Variants in MUSK observed in about 807,000 individuals in gnomAD.
MUSK encodes the protein muscle, skeletal receptor tyrosine-protein kinase.
Under a neutral mutation model 88.7 loss-of-function variants are expected in MUSK, and 55 were observed. The ratio of observed to expected loss-of-function variants is 0.62; its 90% confidence interval spans 0.50 to 0.78. MUSK has a LOEUF of 0.78. Ranked by LOEUF, MUSK falls within the 30% of genes least tolerant of loss-of-function variation. The pLI is 0.00. For missense variants in MUSK, 1,015 were observed against 1,074.3 expected, an observed-to-expected ratio of 0.94 and a Z score of 0.77; for synonymous variants, 387 against 391.9, an observed-to-expected ratio of 0.99 and a Z score of 0.15.
In MUSK at chr9:110,784,975, C is replaced by T. The variant is rs868435163; in HGVS notation, c.1545C>T (p.Leu515=). Residue 515 remains leucine, a synonymous_variant, in exon 12 of 15, where the codon CTC becomes CTT. Coordinates refer to ENST00000374448, the MANE Select transcript of MUSK (RefSeq NM_005592.4). Reference sequence around the variant, plus strand: ...TTGTGCTTCTTACCATAACTACTCTCTATTGCTGCCGAAGAAGAAAACAAT... The same window carrying T: ...TTGTGCTTCTTACCATAACTACTCTTTATTGCTGCCGAAGAAGAAAACAAT... The part of the protein sequence containing the change: ...AIFVLLTITT[L]YCCRRRKQWK... 3 of 1,613,834 alleles carry T rather than the reference C, an allele frequency of 1.9e-6. No individual in the cohort carries two copies. The highest frequency in any genetic ancestry group is 1.1e-5 in the South Asian group (1 of 91,068).
Position 110,801,831 on chromosome 9 carries a change from A to C in MUSK, c.*843A>C, listed in dbSNP as rs2078101639. Among the ~76,000 whole-genome samples, 1 of 152,002 alleles carries C rather than the reference A, an allele frequency of 6.6e-6. No homozygotes were observed. The highest frequency in any genetic ancestry group is 1.5e-5 in the Non-Finnish European group (1 of 67,996). On this transcript the variant is annotated 3_prime_UTR_variant, in exon 15 of 15. Coordinates refer to ENST00000374448, the MANE Select transcript of MUSK (RefSeq NM_005592.4). ...CTTTCCAGGACTTCTGTCCTTTTTT[A>C]GTTATTAAGCTATTTTTTTCTTTTA...
At chr9:110,671,772 T>G (rs2075959941) in intron 1 of MUSK, among the ~76,000 whole-genome samples, 1 of 152,206 alleles carries the variant, frequency 6.6e-6, no homozygotes. Context: ...TAACATTTAA[T>G]GCTTTATTAG....
At chr9:110,772,262 A>C (rs140379485) in intron 9 of MUSK, among the ~76,000 whole-genome samples, 29 of 151,828 alleles carry the variant, frequency 1.9e-4, no homozygotes, top group African/African-American at 6.0e-4. Context: ...ATCAGTTTAC[A>C]TGCCTGAGCC....
At chr9:110,765,234 TG>T (rs1404358799) in intron 8 of MUSK, among the ~76,000 whole-genome samples, 1 of 152,198 alleles carries the variant, frequency 6.6e-6, no homozygotes, top group Non-Finnish European at 1.5e-5. Flanking sequence ...TCGGAGACAC[TG>T]AGAAATATTT....
intron 5 of MUSK, among the ~76,000 whole-genome samples, chr9:110,715,472 A>T (rs1271085812): frequency 6.7e-6 from 1 of 148,930 alleles, no homozygotes; most frequent in African/African-American, 2.6e-5. Context: ...TAAGGAAAGT[A>T]TCCTACTACT....
chr9:110,743,080 CAG>C (rs2131863325), intron 6 of MUSK, among the ~76,000 whole-genome samples: 1 of 152,288 alleles, frequency 6.6e-6, no homozygotes, highest in South Asian at 2.1e-4. Context: ...CAGAATGAAA[CAG>C]AGTTTGAACT....
At chr9:110,778,186 T>C (rs182316331) in intron 11 of MUSK, among the ~76,000 whole-genome samples, 66 of 152,240 alleles carry the variant, frequency 4.3e-4, no homozygotes, top group Admixed American at 3.9e-4. Flanking sequence ...TTCTTCTTCC[T>C]TGAGCATAGG....
At chr9:110,749,291 C>A (rs925258368) in intron 7 of MUSK, among the ~76,000 whole-genome samples, 1 of 152,100 alleles carries the variant, frequency 6.6e-6, no homozygotes, top group Non-Finnish European at 1.5e-5. Context: ...ATTGCAGAAG[C>A]ATACACAAAA....
chr9:110,710,892 G>A (rs2076660186), intron 5 of MUSK, among the ~76,000 whole-genome samples: 1 of 152,168 alleles, frequency 6.6e-6, no homozygotes, highest in Non-Finnish European at 1.5e-5. Flanking sequence ...AATCCCAAGT[G>A]AGAAATCACT....
At chr9:110,726,799 C>G (rs1208773349) in intron 5 of MUSK, among the ~76,000 whole-genome samples, 1 of 151,892 alleles carries the variant, frequency 6.6e-6, no homozygotes, top group African/African-American at 2.4e-5. Flanking sequence ...GAAACAAACA[C>G]ATTGTTCTGG....
At chr9:110,669,641 A>G (rs111558914) in intron 1 of MUSK, among the ~76,000 whole-genome samples, 6,188 of 152,224 alleles carry the variant, frequency 0.041, 173 homozygotes, top group Non-Finnish European at 0.055. Flanking sequence ...AAAGGAAAGC[A>G]ACTTAAGAAA....
At chr9:110,710,152 G>T (rs896474308) in intron 5 of MUSK, among the ~76,000 whole-genome samples, 3 of 152,074 alleles carry the variant, frequency 2.0e-5, no homozygotes, top group Non-Finnish European at 2.9e-5. Context: ...TACCTATTCC[G>T]ATTCTTTCCT....
At chr9:110,723,254 C>CACAT (rs1270802599) in intron 5 of MUSK, among the ~76,000 whole-genome samples, 1 of 151,764 alleles carries the variant, frequency 6.6e-6, no homozygotes, top group Middle Eastern at 3.4e-3. Context: ...CACACACACA[C>CACAT]ACACACACAT....
intron 9 of MUSK, among the ~76,000 whole-genome samples, chr9:110,771,693 T>G (rs1440384181): frequency 6.6e-6 from 1 of 152,158 alleles, no homozygotes; most frequent in Non-Finnish European, 1.5e-5. Flanking sequence ...ATAAAGCAAT[T>G]AATTTGAACA....
intron 4 of MUSK, among the ~76,000 whole-genome samples, chr9:110,696,122 C>G (rs2076427222): frequency 1.3e-5 from 2 of 151,930 alleles, no homozygotes. Context: ...ACTAAAAATA[C>G]AAAAATTAGC....
At chr9:110,710,811 A>G (rs1231780609) in intron 5 of MUSK, among the ~76,000 whole-genome samples, 1 of 152,186 alleles carries the variant, frequency 6.6e-6, no homozygotes, top group Non-Finnish European at 1.5e-5. Context: ...TTTATTCACT[A>G]TAGAAATAGA....
intron 5 of MUSK, among the ~76,000 whole-genome samples, chr9:110,703,040 C>A (rs2131743584): frequency 6.6e-6 from 1 of 152,232 alleles, no homozygotes; most frequent in South Asian, 2.1e-4. Context: ...ACCCAAGTTA[C>A]ATAGGCTTTT....
chr9:110,772,359 T>A (rs1417752399), intron 9 of MUSK, among the ~76,000 whole-genome samples: 1 of 151,746 alleles, frequency 6.6e-6, no homozygotes, highest in Admixed American at 6.6e-5. Context: ...TATTAGAAAA[T>A]CATAGTTATT....
chr9:110,728,867 G>A (rs2076924269), intron 5 of MUSK: 2 of 558,450 alleles, frequency 3.6e-6, no homozygotes, highest in East Asian at 6.3e-5. Flanking sequence ...GCACTTAACG[G>A]TGTTATTAGA....
Sources: allele counts gnomAD v4.1 joint callset (sites outside exome capture counted in the v4.1 genomes callset), GRCh38; gene constraint gnomAD v4.1.1; transcripts MANE v1.5; gene names NCBI Gene and HGNC (gene_info 2026-07-23, HGNC 2026-07-21).